Variants in FBXO21 observed in about 807,000 individuals in gnomAD.
FBXO21 encodes F-box protein 21.
A neutral mutation model predicts 76.6 loss-of-function variants in FBXO21; 32 were observed. The ratio of observed to expected loss-of-function variants is 0.42; its 90% confidence interval spans 0.32 to 0.56. The LOEUF (loss-of-function observed/expected upper bound fraction) is 0.56, where lower values mean the gene tolerates loss of function less well. Ranked by LOEUF, FBXO21 falls within the 20% of genes least tolerant of loss-of-function variation. The pLI is 0.16. For synonymous variants in FBXO21, 328 were observed against 311.5 expected, an observed-to-expected ratio of 1.05 and a Z score of -0.56; for missense variants, 586 against 797.3, an observed-to-expected ratio of 0.73 and a Z score of 3.19.
At chr12:117,147,611 A>AG (rs1211132462) in intron 11 of FBXO21, among the ~76,000 whole-genome samples, 3 of 151,730 alleles carry the variant, frequency 2.0e-5, no homozygotes, top group African/African-American at 7.3e-5. Flanking sequence ...AAAAAAAAAA[A>AG]AAAAAAAGAG....
At chr12:117,149,194 C>A (rs542952364) in intron 11 of FBXO21, among the ~76,000 whole-genome samples, 50 of 152,118 alleles carry the variant, frequency 3.3e-4, no homozygotes, top group Non-Finnish European at 6.0e-4. Flanking sequence ...GAGACAGGGT[C>A]TTGCTACGTT....
intron 11 of FBXO21, among the ~76,000 whole-genome samples, chr12:117,148,200 G>A (rs1955800884): frequency 6.6e-6 from 1 of 152,192 alleles, no homozygotes; most frequent in African/African-American, 2.4e-5. Context: ...CTGAAGAAAT[G>A]TGAGAATATG....
Position 117,172,618 on chromosome 12 carries a change from A to G in FBXO21, c.877-11T>C. 6.2e-7 allele frequency: 1 copy of G among 1,608,470 alleles called. No homozygotes were observed. Among genetic ancestry groups the G allele is most frequent in the Non-Finnish European group, 8.5e-7 (1 of 1,175,428 alleles). On this transcript the variant is annotated splice_polypyrimidine_tract_variant and intron_variant, in intron 6 of 11. Coordinates refer to ENST00000622495, the MANE Select transcript of FBXO21 (RefSeq NM_015002.3). Reference sequence around the variant, plus strand: ...TCTGCGAATCAAAACCTAAAGCAGAAAAAATGCTTTTATTTCACTGGGATG... The same window carrying G: ...TCTGCGAATCAAAACCTAAAGCAGAGAAAATGCTTTTATTTCACTGGGATG...
intron 9 of FBXO21, among the ~76,000 whole-genome samples, chr12:117,158,267 G>A (rs1335781447): frequency 6.6e-6 from 1 of 152,096 alleles, no homozygotes; most frequent in Non-Finnish European, 1.5e-5. Context: ...GCCCAGGGTT[G>A]GGCTCTACTG....
At chr12:117,190,049 G>A (rs1202940879) in intron 1 of FBXO21, among the ~76,000 whole-genome samples, 169 bp downstream of exon 1, 5 of 151,768 alleles carry the variant, frequency 3.3e-5, no homozygotes, top group African/African-American at 1.2e-4. Context: ...CGCCTGGCGT[G>A]GCCCCGCAGG....
chr12:117,176,830 C>T (rs960552202), intron 4 of FBXO21, among the ~76,000 whole-genome samples: 1 of 151,406 alleles, frequency 6.6e-6, no homozygotes, highest in Non-Finnish European at 1.5e-5. Flanking sequence ...CTATGAGATA[C>T]ACTGGAATGG....
intron 3 of FBXO21, among the ~76,000 whole-genome samples, chr12:117,181,359 G>A (rs1238418084): frequency 6.6e-6 from 1 of 152,106 alleles, no homozygotes; most frequent in African/African-American, 2.4e-5. Context: ...AAATTCTGTT[G>A]AAAAGTCTGA....
At chr12:117,152,075 T>A (rs7486690) in intron 11 of FBXO21, among the ~76,000 whole-genome samples, 1 of 151,368 alleles carries the variant, frequency 6.6e-6, no homozygotes, top group Non-Finnish European at 1.5e-5. Context: ...TCCCCAAGAA[T>A]TCTTATCCCG....
At position 117,154,078 on chromosome 12, in the gene FBXO21, G is replaced by A. The variant is rs1005238113; in HGVS notation, c.1675+1713C>T. Among the ~76,000 whole-genome samples, 5 of 152,210 alleles carry A rather than the reference G, an allele frequency of 3.3e-5. No homozygotes were observed. In the East Asian group the frequency reaches 7.7e-4, roughly 23 times the overall value. On this transcript the variant is annotated intron_variant, in intron 11 of 11. Coordinates refer to ENST00000622495, the MANE Select transcript of FBXO21 (RefSeq NM_015002.3). ...AAAATGCTCATTTATTCTTGTGAAC[G>A]CCATTTGTTGTAGGCTATCAAGCGT... is the stretch of plus-strand genomic sequence containing the variant.
rs934834406 is a variant in FBXO21 at position 117,190,438 on chromosome 12, C to G, written c.19G>C (p.Asp7His). The G allele has an allele frequency of 7.2e-7, 1 of 1,394,980 alleles. No homozygotes were observed. Among genetic ancestry groups the G allele is most frequent in the African/African-American group, 1.5e-5 (1 of 67,066 alleles). The allele number at this position is 1,394,980 out of a possible 1,614,324, so 86.4% of individuals were successfully genotyped here. MAAAAV[D>H]SAMEVVPALA... ...GCCGGCACCACCTCCATCGCGCTGT[C>G]GACTGCTGCCGCCGCCATCTTGTCC... Residue 7 changes from aspartate to histidine, a missense_variant, in exon 1 of 12, where the codon GAC (aspartate) becomes CAC (histidine). Coordinates refer to ENST00000622495, the MANE Select transcript of FBXO21 (RefSeq NM_015002.3).
chr12:117,163,069 G>C (rs1337504185), intron 9 of FBXO21, among the ~76,000 whole-genome samples: 1 of 152,190 alleles, frequency 6.6e-6, no homozygotes, highest in African/African-American at 2.4e-5. Context: ...ATTAAGGGTA[G>C]GCAGTCACAC....
intron 2 of FBXO21, among the ~76,000 whole-genome samples, chr12:117,187,359 G>C (rs1185990028): frequency 6.8e-6 from 1 of 147,490 alleles, no homozygotes; most frequent in South Asian, 2.1e-4. Context: ...GGCAGAGGTT[G>C]CGGTAAGCTG....
In FBXO21 at chr12:117,143,369, T is replaced by C. The variant is rs1955735427; in HGVS notation, c.*2718A>G. The C allele has an allele frequency of 6.6e-6, 1 of 152,168 alleles. No individual in the cohort carries two copies. The highest frequency in any genetic ancestry group is 6.5e-5 in the Admixed American group (1 of 15,272). The allele number at this position is 152,168 out of a possible 1,614,324, so 9.4% of individuals were successfully genotyped here. A position where few individuals can be genotyped will look rare whatever the true frequency, so the allele number is the denominator to read the frequency against. On this transcript the variant is annotated 3_prime_UTR_variant, in exon 12 of 12. Coordinates refer to ENST00000622495, the MANE Select transcript of FBXO21 (RefSeq NM_015002.3). ...ACTTTGTTTAACCTATAACCTTTTTTCCTCCCACATAGTAGGTAGTAACAT... is the reference window on the plus strand; with the variant it reads ...ACTTTGTTTAACCTATAACCTTTTTCCCTCCCACATAGTAGGTAGTAACAT...
At chr12:117,176,551 A>G (rs1956175396) in intron 4 of FBXO21, among the ~76,000 whole-genome samples, 3 of 152,150 alleles carry the variant, frequency 2.0e-5, no homozygotes, top group African/African-American at 7.2e-5. Context: ...GCAGTGGTGA[A>G]GGCTAGATTT....
intron 9 of FBXO21, among the ~76,000 whole-genome samples, chr12:117,158,632 G>A (rs995612964): frequency 2.6e-5 from 4 of 152,186 alleles, no homozygotes; most frequent in Non-Finnish European, 5.9e-5. Context: ...GGATGCATTC[G>A]TTGAGTTTAT....
intron 7 of FBXO21, 123 bp from the exon 8 acceptor site, chr12:117,167,200 G>A (rs1956063241): frequency 2.7e-6 from 2 of 747,458 alleles, no homozygotes; most frequent in Non-Finnish European, 4.4e-6. Context: ...CAATATGAAG[G>A]TCTTGTCCAA....
intron 3 of FBXO21, among the ~76,000 whole-genome samples, chr12:117,184,303 G>C (rs553412235): frequency 6.6e-6 from 1 of 152,076 alleles, no homozygotes; most frequent in East Asian, 1.9e-4. Context: ...TTTTGTGATA[G>C]CAAGTCTTCA....
intron 3 of FBXO21, among the ~76,000 whole-genome samples, chr12:117,182,898 C>T (rs1956249211): frequency 1.3e-5 from 2 of 152,030 alleles, no homozygotes; most frequent in Admixed American, 1.3e-4. Context: ...TTAGTAACTG[C>T]CTGGGCAACA....
chr12:117,167,053 G>A lies in FBXO21; in HGVS notation c.1038C>T (p.Tyr346=), dbSNP rs376844854. The A allele has an allele frequency of 3.1e-6, 5 of 1,613,952 alleles. No homozygotes were observed. The African/African-American group carries it at 5.3e-5, about 17-fold the overall frequency. The part of the protein sequence containing the change: ...AEGATLDIFD[Y]IYIDAFGKGK... ...CTTTCCCAAAAGCATCTATGTAGATGTAGTCAAAGATGTCCAGGGTCGCCC... is the reference window on the plus strand; with the variant it reads ...CTTTCCCAAAAGCATCTATGTAGATATAGTCAAAGATGTCCAGGGTCGCCC... Residue 346 remains tyrosine (Y), a synonymous_variant, in exon 8 of 12, where the codon TAC becomes TAT. Coordinates refer to ENST00000622495, the MANE Select transcript of FBXO21 (RefSeq NM_015002.3).
Sources: allele counts gnomAD v4.1 joint callset (sites outside exome capture counted in the v4.1 genomes callset), GRCh38; gene constraint gnomAD v4.1.1; transcripts MANE v1.5; gene names NCBI Gene and HGNC (gene_info 2026-07-23, HGNC 2026-07-21).